TINAGL1: variants seen among roughly 807,000 people sequenced by gnomAD.
The protein encoded by TINAGL1 is tubulointerstitial nephritis antigen like 1.
Under a neutral mutation model 62.0 loss-of-function variants are expected in TINAGL1, and 34 were observed. The ratio of observed to expected loss-of-function variants is 0.55; its 90% CI spans 0.42 to 0.73. TINAGL1 has a LOEUF of 0.73. Ranked by LOEUF, TINAGL1 falls within the 30% of genes least tolerant of loss-of-function variation. The probability of loss-of-function intolerance (pLI) is 0.00; values close to 1 mark genes in which losing one functional copy is unlikely to be tolerated. For missense variants in TINAGL1, 516 were observed against 653.2 expected (o/e 0.79, Z 2.29); for synonymous variants, 221 against 249.7 (o/e 0.88, Z 1.08).
chr1:31,580,211 C>A, intron 3 of TINAGL1: 2 of 567,744 alleles, frequency 3.5e-6, no homozygotes, highest in Non-Finnish European at 4.3e-6. Context: ...CTCTCTCTCT[C>A]TGTCTCTCTC....
Position 31,578,496 on chromosome 1 carries a change from GTA to G in TINAGL1, c.311-706_311-705del, listed in dbSNP as rs201525149. ...TATAGTTTAATTTCAGTGAGAGCTGGTATGTGTGTGTGTGTGTGTGATGTCTT... is the reference window on the plus strand; with the variant it reads ...TATAGTTTAATTTCAGTGAGAGCTGGTGTGTGTGTGTGTGTGTGATGTCTT... On this transcript the variant is annotated intron_variant, in intron 2 of 11. Transcript: ENST00000271064. 9.0e-4 allele frequency among the ~76,000 whole-genome samples: 120 copies of G among 133,754 alleles called. 2 individuals carry two copies. Among genetic ancestry groups the G allele is most frequent in the South Asian group, 3.1e-3 (12 of 3,930 alleles). The allele number at this position is 133,754 out of a possible 152,430, so 87.7% of individuals were successfully genotyped here.
Position 31,586,705 on chromosome 1 carries a change from C to T in TINAGL1, c.1218-5C>T, listed in dbSNP as rs757189258. On this transcript the variant is annotated splice_region_variant and splice_polypyrimidine_tract_variant and intron_variant, in intron 10 of 11. Transcript: ENST00000271064. ...TCCCTTCCCCCTCCTCTGCTCTGCCCACAGATGGGGAGAGGAGACGCTGCC... is the reference window on the plus strand; with the variant it reads ...TCCCTTCCCCCTCCTCTGCTCTGCCTACAGATGGGGAGAGGAGACGCTGCC... 3.2e-6 allele frequency: 5 copies of T among 1,558,222 alleles called. No individual in the cohort carries two copies. The East Asian group carries it at 1.2e-4, about 38-fold the overall frequency.
In TINAGL1 at chr1:31,583,408, A is replaced by C; in HGVS notation, c.468-53A>C. 6.4e-7 allele frequency: 1 copy of C among 1,569,202 alleles called. No individual in the cohort carries two copies. Among genetic ancestry groups the C allele is most frequent in the South Asian group, 1.1e-5 (1 of 88,204 alleles). ...CTCCCACCCACATGCACCCACGCCA[A>C]GGACCCTGAGCCTCGGCAGATCTGT... is the stretch of plus-strand genomic sequence containing the variant. On this transcript the variant is annotated intron_variant, in intron 4 of 11. Transcript: ENST00000271064. The surrounding 1 kb of genome is among the most constrained non-coding windows in gnomAD (Gnocchi z 4.4).
In TINAGL1 at chr1:31,585,285, A is replaced by G; in HGVS notation, c.992A>G (p.Tyr331Cys). 1.9e-6 allele frequency: 3 copies of G among 1,612,766 alleles called. No homozygotes were observed. The highest frequency in any genetic ancestry group is 2.5e-6 in the Non-Finnish European group (3 of 1,179,300). The change falls in exon 8 of 12, where the codon TAT becomes TGT. Residue 331 changes from tyrosine to cysteine, a missense_variant. Tyr to Cys is a radical substitution (Grantham distance 194). Coordinates refer to ENST00000271064, the MANE Select transcript of TINAGL1 (RefSeq NM_022164.3). This position sits in a 1 kb window ranked among gnomAD's most constrained non-coding sequence, Gnocchi z 4.3. ...GCCACTGCCCACTGCCCCAACAGCT[A>G]TGTTAATAACAATGACATCTACCAG... ...RQATAHCPNS[Y>C]VNNNDIYQVT...
chr1:31,580,758 A>C (rs1173973258), intron 3 of TINAGL1: 15 of 1,227,572 alleles, frequency 1.2e-5, no homozygotes, highest in Admixed American at 2.9e-5. Context: ...AGCATTATAG[A>C]ATTCATAGAA....
At position 31,585,965 on chromosome 1, in the gene TINAGL1, A is replaced by G. The variant is rs755955159; in HGVS notation, c.1217+89A>G. 58 of 1,450,678 alleles carry G rather than the reference A, an allele frequency of 4.0e-5. No individual in the cohort carries two copies. The highest frequency in any genetic ancestry group is 1.0e-5 in the Non-Finnish European group (11 of 1,094,468). 89.9% of individuals were successfully genotyped at this position (1,450,678 alleles called of 1,614,324 possible). A position where few individuals can be genotyped will look rare whatever the true frequency, so the allele number is the denominator to read the frequency against. On this transcript the variant is annotated intron_variant, in intron 10 of 11. Transcript: ENST00000271064. The surrounding 1 kb of genome is among the most constrained non-coding windows in gnomAD (Gnocchi z 4.3). ...TGCCTTGGGTTCTTACAACCTCTCT[A>G]AAAAGCCAGGACTGCTCTCATCATT... is the stretch of plus-strand genomic sequence containing the variant.
rs1557560075 is a variant in TINAGL1, at chr1:31,583,030, G to C, written c.375-119G>C. 1 of 848,866 alleles carries C rather than the reference G, an allele frequency of 1.2e-6. No individual in the cohort carries two copies. The highest frequency in any genetic ancestry group is 1.7e-5 in the African/African-American group (1 of 60,204). The allele number at this position is 848,866 out of a possible 1,614,324, so 52.6% of individuals were successfully genotyped here. ...CCACCAGGCTGGATGGGATCACCTAGAGATTCTCCCACAGTCACTTGCACA... is the reference window on the plus strand; with the variant it reads ...CCACCAGGCTGGATGGGATCACCTACAGATTCTCCCACAGTCACTTGCACA... On this transcript the variant is annotated intron_variant, in intron 3 of 11. Coordinates refer to ENST00000271064, the MANE Select transcript of TINAGL1 (RefSeq NM_022164.3). The surrounding 1 kb of genome is among the most constrained non-coding windows in gnomAD (Gnocchi z 4.4).
intron 3 of TINAGL1, chr1:31,580,751 AT>A (rs1474796089): frequency 1.6e-6 from 2 of 1,234,232 alleles, no homozygotes; most frequent in Non-Finnish European, 2.1e-6. Flanking sequence ...TTGTAAAAGC[AT>A]TATAGAATTC....
intron 3 of TINAGL1, chr1:31,580,591 C>A (rs1235444124): frequency 7.8e-7 from 1 of 1,289,214 alleles, no homozygotes. Flanking sequence ...CCCTCCCCAG[C>A]AGTGCCCCCG....
rs761655352 is a variant in TINAGL1 at position 31,585,280 on chromosome 1, C to T, written c.987C>T (p.Asn329=). 2.4e-5 allele frequency: 38 copies of T among 1,612,896 alleles called. No homozygotes were observed. Among genetic ancestry groups the T allele is most frequent in the Non-Finnish European group, 2.8e-5 (33 of 1,179,490 alleles). ...GCCAGGCCACTGCCCACTGCCCCAA[C>T]AGCTATGTTAATAACAATGACATCT... is the stretch of plus-strand genomic sequence containing the variant. ...GKRQATAHCP[N]SYVNNNDIYQ... Residue 329 remains asparagine, a synonymous_variant, in exon 8 of 12, where the codon AAC becomes AAT. Transcript: ENST00000271064. This position sits in a 1 kb window ranked among gnomAD's most constrained non-coding sequence, Gnocchi z 4.3.
rs1397029158 is a variant in TINAGL1 at position 31,584,182 on chromosome 1, G to A, written c.583-496G>A. 1.8e-5 allele frequency: 3 copies of A among 170,916 alleles called. No individual in the cohort carries two copies. The highest frequency in any genetic ancestry group is 3.8e-5 in the Non-Finnish European group (3 of 78,130). 10.6% of individuals were successfully genotyped at this position (170,916 alleles called of 1,614,324 possible). A position where few individuals can be genotyped will look rare whatever the true frequency, so the allele number is the denominator to read the frequency against. On this transcript the variant is annotated intron_variant, in intron 5 of 11. Coordinates refer to ENST00000271064, the MANE Select transcript of TINAGL1 (RefSeq NM_022164.3). The surrounding 1 kb of genome is among the most constrained non-coding windows in gnomAD (Gnocchi z 4.0). ...CCTCCCTGCGGAGACTTCGGCCTTG[G>A]GTGACCAGACCCTGGCCCTGCCCTT...
chr1:31,577,400 C>T lies in TINAGL1; in HGVS notation c.252C>T (p.Cys84=). 6.2e-7 allele frequency: 1 copy of T among 1,613,890 alleles called. No homozygotes were observed. Among genetic ancestry groups the T allele is most frequent in the Non-Finnish European group, 8.5e-7 (1 of 1,179,960 alleles). The change falls in exon 2 of 12, where the codon TGC becomes TGT. Residue 84 remains cysteine (C), a synonymous_variant. Coordinates refer to ENST00000271064, the MANE Select transcript of TINAGL1 (RefSeq NM_022164.3). The surrounding 1 kb of genome is among the most constrained non-coding windows in gnomAD (Gnocchi z 5.4). ...DLFCNRTVSD[C]CPDFWDFCLG... Reference sequence around the variant, plus strand: ...TCTGCAACCGCACGGTCTCCGACTGCTGCCCTGACTTCTGGGACTTCTGCC... The same window carrying T: ...TCTGCAACCGCACGGTCTCCGACTGTTGCCCTGACTTCTGGGACTTCTGCC...
At position 31,583,554 on chromosome 1, in the gene TINAGL1, C is replaced by T; in HGVS notation, c.561C>T (p.Val187=). Residue 187 remains valine, a synonymous_variant, in exon 5 of 12, where the codon GTC becomes GTT. Coordinates refer to ENST00000271064, the MANE Select transcript of TINAGL1 (RefSeq NM_022164.3). The surrounding 1 kb of genome is among the most constrained non-coding windows in gnomAD (Gnocchi z 4.4). ...GCACCATCCGCCCATCTTCCTCGGTCATGAACATGCATGAAATTTATGTAA... is the reference window on the plus strand; with the variant it reads ...GCACCATCCGCCCATCTTCCTCGGTTATGAACATGCATGAAATTTATGTAA... ...RLGTIRPSSS[V]MNMHEIYTVL... 2 of 1,613,448 alleles carry T rather than the reference C, an allele frequency of 1.2e-6. No homozygotes were observed. Among genetic ancestry groups the T allele is most frequent in the Non-Finnish European group, 1.7e-6 (2 of 1,179,838 alleles).
chr1:31,585,497 T>C lies in TINAGL1; in HGVS notation c.1093+12T>C. 6.2e-7 allele frequency: 1 copy of C among 1,614,046 alleles called. No homozygotes were observed. Among genetic ancestry groups the C allele is most frequent in the Non-Finnish European group, 8.5e-7 (1 of 1,179,972 alleles). On this transcript the variant is annotated intron_variant, in intron 9 of 11. Transcript: ENST00000271064. The surrounding 1 kb of genome is among the most constrained non-coding windows in gnomAD (Gnocchi z 4.3). ...TGGCCCTGTCCAAGGTAAACCCCCTTATCCAGCACCCTGGTTCCAGAAGCT... is the reference window on the plus strand; with the variant it reads ...TGGCCCTGTCCAAGGTAAACCCCCTCATCCAGCACCCTGGTTCCAGAAGCT...
In TINAGL1 at chr1:31,583,262, C is replaced by CCT; in HGVS notation, c.467+23_467+24dup. ...TATGGGTGAGAGGCCCTAGAGGCAC[C>CCT]CTCAGTGGGCACACATGCATACTCA... is the stretch of plus-strand genomic sequence containing the variant. On this transcript the variant is annotated intron_variant, in intron 4 of 11. Coordinates refer to ENST00000271064, the MANE Select transcript of TINAGL1 (RefSeq NM_022164.3). The surrounding 1 kb of genome is among the most constrained non-coding windows in gnomAD (Gnocchi z 4.4). 1.2e-6 allele frequency: 2 copies of CCT among 1,609,640 alleles called. No homozygotes were observed. The highest frequency in any genetic ancestry group is 1.7e-6 in the Non-Finnish European group (2 of 1,175,972).
rs1438909253 is a variant in TINAGL1 at position 31,583,317 on chromosome 1, G to A, written c.467+76G>A. 1 of 1,537,630 alleles carries A rather than the reference G, an allele frequency of 6.5e-7. No homozygotes were observed. Among genetic ancestry groups the A allele is most frequent in the East Asian group, 2.3e-5 (1 of 44,244 alleles). ...TGTATACACGCATGCTGTGCTGTGG[G>A]GCACGTCCAGCAGGCCACTCCTACA... On this transcript the variant is annotated intron_variant, in intron 4 of 11. Transcript: ENST00000271064. This position sits in a 1 kb window ranked among gnomAD's most constrained non-coding sequence, Gnocchi z 4.4.
chr1:31,579,269 T>G lies in TINAGL1; in HGVS notation c.374+2T>G. On this transcript the variant is annotated splice_donor_variant, in intron 3 of 11. Coordinates refer to ENST00000271064, the MANE Select transcript of TINAGL1 (RefSeq NM_022164.3). LOFTEE classifies it high-confidence loss of function. ...GTACTGGGACAACTGTAACCGTTGG[T>G]GAGTGTTTGGAGCTTAGAGGGGTCT... 2 of 1,613,932 alleles carry G rather than the reference T, an allele frequency of 1.2e-6. No homozygotes were observed. Among genetic ancestry groups the G allele is most frequent in the Non-Finnish European group, 1.7e-6 (2 of 1,179,824 alleles).
chr1:31,583,065 G>A lies in TINAGL1; in HGVS notation c.375-84G>A, dbSNP rs1570211469. ...CACAGTCACTTGCACAGACTCCCTG[G>A]CCCATGTTAACCTCCGAGGCCACAT... is the stretch of plus-strand genomic sequence containing the variant. On this transcript the variant is annotated intron_variant, in intron 3 of 11. Coordinates refer to ENST00000271064, the MANE Select transcript of TINAGL1 (RefSeq NM_022164.3). The surrounding 1 kb of genome is among the most constrained non-coding windows in gnomAD (Gnocchi z 4.4). 8.4e-7 allele frequency: 1 copy of A among 1,194,748 alleles called. No homozygotes were observed. The highest frequency in any genetic ancestry group is 1.2e-6 in the Non-Finnish European group (1 of 800,372). 74.0% of individuals were successfully genotyped at this position (1,194,748 alleles called of 1,614,324 possible). A position where few individuals can be genotyped will look rare whatever the true frequency, so the allele number is the denominator to read the frequency against.
At chr1:31,580,557 TC>T in intron 3 of TINAGL1, 2 of 1,288,360 alleles carry the variant, frequency 1.6e-6, no homozygotes, top group Non-Finnish European at 1.0e-6. Context: ...AGGAAAGCCT[TC>T]CCGGCCCTGC....
Sources: allele counts gnomAD v4.1 joint callset (sites outside exome capture counted in the v4.1 genomes callset), GRCh38; gene constraint gnomAD v4.1.1; non-coding constraint Gnocchi (gnomAD v3.1); transcripts MANE v1.5; gene names NCBI Gene and HGNC (gene_info 2026-07-23, HGNC 2026-07-21).